DOK6: variants seen among roughly 807,000 people sequenced by gnomAD.
DOK6 encodes docking protein 6.
Under a neutral mutation model 44.0 loss-of-function variants are expected in DOK6, and 22 were observed. The ratio of observed to expected loss-of-function variants is 0.50; its 90% CI spans 0.36 to 0.71. The LOEUF is 0.71. Among genes scored for constraint, DOK6 ranks in the 30% least tolerant of loss-of-function variants. The pLI, the probability that DOK6 is intolerant of heterozygous loss-of-function variation, is 0.00. For synonymous variants in DOK6, 166 were observed against 145.5 expected (o/e 1.14, Z -1.01); for missense variants, 340 against 416.4 (o/e 0.82, Z 1.60).
At chr18:69,754,204 C>A (rs896395711) in intron 6 of DOK6, among the ~76,000 whole-genome samples, 16 of 151,532 alleles carry the variant, frequency 1.1e-4, no homozygotes, top group Non-Finnish European at 2.2e-4. Flanking sequence ...TTTGTTGAAG[C>A]CTGTCATCAA....
chr18:69,697,566 GT>G (rs1986416411), intron 4 of DOK6, among the ~76,000 whole-genome samples: 1 of 151,990 alleles, frequency 6.6e-6, no homozygotes, highest in South Asian at 2.1e-4. Flanking sequence ...TATAGAGTAT[GT>G]TGTAAGGCAT....
chr18:69,512,040 G>C (rs2074685755), intron 1 of DOK6, among the ~76,000 whole-genome samples: 1 of 152,066 alleles, frequency 6.6e-6, no homozygotes, highest in African/African-American at 2.4e-5. Context: ...GGTGTTTCTA[G>C]TGGATTTCAG....
intron 1 of DOK6, among the ~76,000 whole-genome samples, chr18:69,403,129 T>C (rs1294083285): frequency 6.6e-6 from 1 of 152,108 alleles, no homozygotes; most frequent in African/African-American, 2.4e-5. Context: ...AACTAATGGA[T>C]GAGTTAAGTC....
At chr18:69,525,353 T>A (rs901841050) in intron 1 of DOK6, among the ~76,000 whole-genome samples, 10 of 152,004 alleles carry the variant, frequency 6.6e-5, no homozygotes, top group Non-Finnish European at 1.5e-4. Context: ...AAACTCTACA[T>A]AAATATTTTT....
chr18:69,674,645 TACTC>T (rs112509028), intron 3 of DOK6, among the ~76,000 whole-genome samples: 2,083 of 152,040 alleles, frequency 0.014, 46 homozygotes, highest in African/African-American at 0.047. Flanking sequence ...CACACCCACA[TACTC>T]ACACACACTG....
intron 3 of DOK6, among the ~76,000 whole-genome samples, chr18:69,668,318 C>G (rs1256952617): frequency 6.6e-6 from 1 of 152,022 alleles, no homozygotes; most frequent in Non-Finnish European, 1.5e-5. Context: ...CTCAATGCCT[C>G]TTAATACGTG....
chr18:69,777,000 T>TAGGTGGG (rs1980087621), intron 7 of DOK6, among the ~76,000 whole-genome samples: 1 of 57,248 alleles, frequency 1.7e-5, no homozygotes. Context: ...GGACTGTTGT[T>TAGGTGGG]GGGTGGGGGG....
chr18:69,567,491 G>A (rs561795966), intron 2 of DOK6, among the ~76,000 whole-genome samples: 6 of 152,154 alleles, frequency 3.9e-5, no homozygotes, highest in African/African-American at 1.2e-4. Flanking sequence ...AAAAAATGAG[G>A]CAGGAACAAT....
chr18:69,428,279 A>G (rs1978700570), intron 1 of DOK6, among the ~76,000 whole-genome samples: 1 of 152,192 alleles, frequency 6.6e-6, no homozygotes, highest in East Asian at 1.9e-4. Context: ...TGCCCACACA[A>G]TGTGGGCTCT....
intron 7 of DOK6, chr18:69,781,489 A>T (rs1980264429): frequency 6.6e-6 from 1 of 152,204 alleles, no homozygotes; most frequent in Non-Finnish European, 1.5e-5. Context: ...TTTATTTATG[A>T]CATGACTTAC....
rs1027182121 is a variant in DOK6 at position 69,775,596 on chromosome 18, G to A, written c.856+17723G>A. ...GAAAAGGGGAAATTTTTAAATTAAT[G>A]TAATTAGAAGTAGAGAAAATATAGA... is the stretch of plus-strand genomic sequence containing the variant. On this transcript the variant is annotated intron_variant, in intron 7 of 7. Transcript: ENST00000382713. Among the ~76,000 whole-genome samples, 9 of 151,442 alleles carry A rather than the reference G, an allele frequency of 5.9e-5. No individual in the cohort carries two copies. The South Asian group carries it at 1.9e-3, about 32-fold the overall frequency.
chr18:69,480,125 A>G (rs1470772594), intron 1 of DOK6, among the ~76,000 whole-genome samples: 1 of 152,128 alleles, frequency 6.6e-6, no homozygotes, highest in Non-Finnish European at 1.5e-5. Flanking sequence ...AATAAATACA[A>G]GTTAGTAGTA....
At chr18:69,800,194 T>A (rs1487665315) in intron 7 of DOK6, among the ~76,000 whole-genome samples, 2 of 152,118 alleles carry the variant, frequency 1.3e-5, no homozygotes, top group Non-Finnish European at 2.9e-5. Flanking sequence ...TGGATTTACC[T>A]AATTTCAGAG....
rs112106537 is a variant in DOK6, at chr18:69,430,747, A to T, written c.66+29437A>T. ...TTTGGAAGGCCGAGGCTGGTGGATC[A>T]CCTGAGTTCAAGAGTTTGAGACCGG... On this transcript the variant is annotated intron_variant, in intron 1 of 7. Transcript: ENST00000382713. 3.6e-3 allele frequency among the ~76,000 whole-genome samples: 543 copies of T among 152,258 alleles called. 4 individuals are homozygous for T. Among genetic ancestry groups the T allele is most frequent in the African/African-American group, 0.012 (496 of 41,552 alleles).
intron 7 of DOK6, 49 bp downstream of exon 7, chr18:69,757,922 G>C: frequency 6.7e-7 from 1 of 1,484,184 alleles, no homozygotes; most frequent in Non-Finnish European, 9.4e-7. Flanking sequence ...GCTTCCTCCA[G>C]GTGGACTGAG....
chr18:69,666,755 A>C (rs887520073), intron 3 of DOK6, among the ~76,000 whole-genome samples: 1 of 152,184 alleles, frequency 6.6e-6, no homozygotes, highest in African/African-American at 2.4e-5. Flanking sequence ...GGTTTGTTAC[A>C]TGGATTGAAT....
At chr18:69,654,492 G>C (rs899022066) in intron 3 of DOK6, among the ~76,000 whole-genome samples, 10 of 152,100 alleles carry the variant, frequency 6.6e-5, no homozygotes, top group Admixed American at 6.5e-4. Flanking sequence ...CATAAAATCT[G>C]GCTCTTCCCT....
Position 69,526,563 on chromosome 18 carries a change from G to A in DOK6, c.67-37924G>A, listed in dbSNP as rs1548054. On this transcript the variant is annotated intron_variant, in intron 1 of 7. Coordinates refer to ENST00000382713, the MANE Select transcript of DOK6 (RefSeq NM_152721.6). ...TGCCACTATAAACATTCATGTACAA[G>A]TTTTTGTGTGTACATATGTTTTCAT... Among the ~76,000 whole-genome samples the A allele has an allele frequency of 7.2e-3, 1,092 of 152,238 alleles. 8 individuals carry two copies. Among genetic ancestry groups the A allele is most frequent in the African/African-American group, 0.025 (1,041 of 41,546 alleles).
intron 3 of DOK6, among the ~76,000 whole-genome samples, chr18:69,665,524 G>A (rs747110356): frequency 3.3e-5 from 5 of 152,132 alleles, no homozygotes; most frequent in Non-Finnish European, 5.9e-5. Flanking sequence ...TATCTGAAGT[G>A]ATGTCATTTT....
Sources: allele counts gnomAD v4.1 joint callset (sites outside exome capture counted in the v4.1 genomes callset), GRCh38; gene constraint gnomAD v4.1.1; transcripts MANE v1.5; gene names NCBI Gene and HGNC (gene_info 2026-07-23, HGNC 2026-07-21).